PRSS3: variants seen among roughly 807,000 people sequenced by gnomAD.
PRSS3 encodes serine protease 3, also known as trypsin-3.
Under a neutral mutation model 20.8 loss-of-function variants are expected in PRSS3, and 14 were observed. The observed-to-expected ratio is 0.67, with a 90% CI of 0.44 to 1.05. The LOEUF is 1.05. Among genes scored for constraint, PRSS3 ranks in the 50% least tolerant of loss-of-function variants. The probability of loss-of-function intolerance (pLI) is 0.00; values close to 1 mark genes in which losing one functional copy is unlikely to be tolerated. For synonymous variants in PRSS3, 91 were observed against 117.6 expected, an observed-to-expected ratio of 0.77 and a Z score of 1.46; for missense variants, 237 against 306.4, an observed-to-expected ratio of 0.77 and a Z score of 1.69.
chr9:33,787,155 G>A (rs369343662), intron 1 of PRSS3, among the ~76,000 whole-genome samples: 14 of 152,270 alleles, frequency 9.2e-5, no homozygotes, highest in African/African-American at 2.9e-4. Flanking sequence ...CCTTCAAGTG[G>A]CAGGGTCAGT....
At chr9:33,779,511 C>T (rs746152494) in intron 1 of PRSS3, among the ~76,000 whole-genome samples, 34 of 152,104 alleles carry the variant, frequency 2.2e-4, no homozygotes, top group Non-Finnish European at 4.4e-4. Flanking sequence ...GAAAGAATCT[C>T]AGAGCTTGAA....
intron 1 of PRSS3, among the ~76,000 whole-genome samples, chr9:33,764,531 C>G (rs1823340090): frequency 6.6e-6 from 1 of 151,976 alleles, no homozygotes; most frequent in South Asian, 2.1e-4. Context: ...AATTCAGTCT[C>G]AAAAAATAAA....
At chr9:33,751,610 G>GT (rs1822701983) in intron 1 of PRSS3, among the ~76,000 whole-genome samples, 2 of 152,324 alleles carry the variant, frequency 1.3e-5, no homozygotes, top group South Asian at 4.1e-4. Context: ...GCTTTCTGCC[G>GT]TGTCTGCCGT....
At chr9:33,779,818 G>A (rs1159231638) in intron 1 of PRSS3, among the ~76,000 whole-genome samples, 6 of 127,170 alleles carry the variant, frequency 4.7e-5, no homozygotes, top group African/African-American at 1.2e-4. Context: ...GCGGTGAGCC[G>A]AGATAGCGCC....
intron 1 of PRSS3, among the ~76,000 whole-genome samples, chr9:33,782,832 C>T: frequency 6.6e-6 from 1 of 152,258 alleles, no homozygotes; most frequent in South Asian, 2.1e-4. Flanking sequence ...CCCCTATGAT[C>T]ATCTACCCCA....
upstream of PRSS3, chr9:33,795,388 T>A: frequency 1.3e-6 from 1 of 768,986 alleles, no homozygotes; most frequent in Non-Finnish European, 2.1e-6. Context: ...TTATCACCTG[T>A]GAATCACAAA....
At chr9:33,772,683 T>C (rs888698657) in intron 1 of PRSS3, among the ~76,000 whole-genome samples, 12 of 152,228 alleles carry the variant, frequency 7.9e-5, no homozygotes, top group African/African-American at 2.9e-4. Flanking sequence ...TTAATGGTTA[T>C]ATAGCATCTC....
chr9:33,751,098 G>A (rs1378275435), intron 1 of PRSS3, among the ~76,000 whole-genome samples: 1 of 152,324 alleles, frequency 6.6e-6, no homozygotes, highest in Non-Finnish European at 1.5e-5. Context: ...GCGTTGCAGG[G>A]TGAGGGGAAG....
At chr9:33,784,590 G>A (rs1304995540) in intron 1 of PRSS3, among the ~76,000 whole-genome samples, 1 of 152,184 alleles carries the variant, frequency 6.6e-6, no homozygotes, top group Non-Finnish European at 1.5e-5. Flanking sequence ...ATATGGGTAA[G>A]TCCTATAATC....
intron 1 of PRSS3, among the ~76,000 whole-genome samples, chr9:33,778,500 TTTA>T (rs1824038346): frequency 6.6e-6 from 1 of 152,212 alleles, no homozygotes; most frequent in South Asian, 2.1e-4. Flanking sequence ...CATACCTTAA[TTTA>T]TTATTACAAC....
intron 1 of PRSS3, among the ~76,000 whole-genome samples, chr9:33,775,707 T>G (rs1313401951): frequency 2.7e-5 from 4 of 150,610 alleles, no homozygotes; most frequent in Non-Finnish European, 5.9e-5. Flanking sequence ...GAAGTTTTTT[T>G]TTTTTTTTTT....
intron 1 of PRSS3, among the ~76,000 whole-genome samples, chr9:33,772,887 G>A (rs1428180822): frequency 1.3e-5 from 2 of 152,090 alleles, no homozygotes; most frequent in Non-Finnish European, 2.9e-5. Flanking sequence ...CTAGGCACTC[G>A]AGGAGAAAAA....
chr9:33,784,709 A>G (rs1010425913), intron 1 of PRSS3, among the ~76,000 whole-genome samples: 1 of 152,214 alleles, frequency 6.6e-6, no homozygotes, highest in Non-Finnish European at 1.5e-5. Flanking sequence ...AAGATAGGTG[A>G]GTTTTTGCAA....
chr9:33,757,883 T>C (rs1563955926), intron 1 of PRSS3, among the ~76,000 whole-genome samples: 2 of 152,218 alleles, frequency 1.3e-5, no homozygotes, highest in East Asian at 1.9e-4. Flanking sequence ...AATCTGATGG[T>C]ATGGAATAGC....
intron 1 of PRSS3, among the ~76,000 whole-genome samples, chr9:33,785,551 A>G (rs1195253581): frequency 2.6e-5 from 4 of 152,216 alleles, no homozygotes; most frequent in African/African-American, 9.6e-5. Context: ...AGAAGAAACC[A>G]TATTACAAGT....
chr9:33,756,743 T>C (rs1276796670), intron 1 of PRSS3, among the ~76,000 whole-genome samples: 2 of 152,242 alleles, frequency 1.3e-5, no homozygotes. Context: ...TCTCATTTCA[T>C]GAATGCAGTA....
chr9:33,751,382 T>C (rs1822692853), intron 1 of PRSS3, among the ~76,000 whole-genome samples: 3 of 152,150 alleles, frequency 2.0e-5, no homozygotes, highest in Admixed American at 2.0e-4. Context: ...TGGAAGCGGA[T>C]GTCAGGCGCA....
chr9:33,753,984 A>C (rs1006471551), intron 1 of PRSS3, among the ~76,000 whole-genome samples: 4 of 152,174 alleles, frequency 2.6e-5, no homozygotes, highest in African/African-American at 9.7e-5. Context: ...AAGTTGCAGC[A>C]GAAAGACGGG....
At chr9:33,768,282 C>T (rs376283452) in intron 1 of PRSS3, among the ~76,000 whole-genome samples, 6 of 151,774 alleles carry the variant, frequency 4.0e-5, no homozygotes, top group Non-Finnish European at 7.4e-5. Flanking sequence ...GAGTTCAAGA[C>T]CAGCCTGGCC....
Sources: allele counts gnomAD v4.1 joint callset (sites outside exome capture counted in the v4.1 genomes callset), GRCh38; gene constraint gnomAD v4.1.1; transcripts MANE v1.5; gene names NCBI Gene and HGNC (gene_info 2026-07-23, HGNC 2026-07-21).